FAM234A: variants seen among roughly 807,000 people sequenced by gnomAD.
FAM234A encodes the protein protein FAM234A.
FAM234A carries 42 observed loss-of-function variants against 49.1 expected under a neutral mutation model. The ratio of observed to expected loss-of-function variants is 0.86; its 90% CI spans 0.67 to 1.11. The LOEUF (loss-of-function observed/expected upper bound fraction) is 1.11. Among genes scored for constraint, FAM234A ranks in the 50% least tolerant of loss-of-function variants. The probability of loss-of-function intolerance (pLI) is 0.00; values close to 1 mark genes in which losing one functional copy is unlikely to be tolerated. For missense variants in FAM234A, 815 were observed against 745.2 expected (o/e 1.09, Z -1.09); for synonymous variants, 369 against 316.2 (o/e 1.17, Z -1.77).
intron 2 of FAM234A, among the ~76,000 whole-genome samples, chr16:252,178 G>GTTTTTTT (rs1368906456): frequency 7.9e-6 from 1 of 126,060 alleles, no homozygotes; most frequent in Non-Finnish European, 1.6e-5. Context: ...CTGTTTTTCT[G>GTTTTTTT]TTTTTTGTTT....
At chr16:251,021 A>G (rs775690812) in intron 2 of FAM234A, among the ~76,000 whole-genome samples, 7 of 152,032 alleles carry the variant, frequency 4.6e-5, no homozygotes, top group African/African-American at 1.7e-4. Context: ...CAATGGTGCA[A>G]TCTTGGCTCA....
At chr16:255,202 C>G (rs2051183384) in intron 3 of FAM234A, among the ~76,000 whole-genome samples, 1 of 152,116 alleles carries the variant, frequency 6.6e-6, no homozygotes, top group South Asian at 2.1e-4. Context: ...GTTAGCCAGG[C>G]TGCTCTTGAA....
chr16:269,029 A>G, downstream of FAM234A: 1 of 1,294,606 alleles, frequency 7.7e-7, no homozygotes. Flanking sequence ...CCCTGACCCA[A>G]GCTGAGCCAA....
At chr16:237,068 TGTA>T (rs1302213177) in intron 1 of FAM234A, among the ~76,000 whole-genome samples, 1 of 142,092 alleles carries the variant, frequency 7.0e-6, no homozygotes, top group Non-Finnish European at 1.5e-5. Context: ...TATTTATTTA[TGTA>T]TTTTTTTAAA....
At chr16:251,234 G>T (rs1224882398) in intron 2 of FAM234A, among the ~76,000 whole-genome samples, 4 of 152,200 alleles carry the variant, frequency 2.6e-5, no homozygotes, top group Non-Finnish European at 5.9e-5. Context: ...GGGATCACAG[G>T]CGTGAGCCAC....
intron 1 of FAM234A, among the ~76,000 whole-genome samples, chr16:236,141 A>C (rs1408678816): frequency 6.7e-6 from 1 of 150,130 alleles, no homozygotes; most frequent in African/African-American, 2.4e-5. Flanking sequence ...TTTTATTTTT[A>C]GTAGGGGTTT....
At chr16:237,405 T>TGG (rs945414268) in intron 1 of FAM234A, among the ~76,000 whole-genome samples, 15 of 152,276 alleles carry the variant, frequency 9.9e-5, no homozygotes, top group African/African-American at 3.6e-4. Context: ...AGATGTTGGC[T>TGG]GGGGCTGCAG....
At chr16:261,244 C>G (rs2051452320) in intron 5 of FAM234A, 140 bp from the exon 6 acceptor site, 2 of 968,030 alleles carry the variant, frequency 2.1e-6, no homozygotes, top group Non-Finnish European at 3.1e-6. Flanking sequence ...CTGTTGGCAT[C>G]TGCTCTGAGT....
chr16:254,827 G>T, intron 3 of FAM234A, 146 bp downstream of exon 3: 1 of 831,866 alleles, frequency 1.2e-6, no homozygotes, highest in Non-Finnish European at 1.9e-6. Flanking sequence ...TATGTCCAAG[G>T]TTTTCCCGGA....
In FAM234A at chr16:261,417, G is replaced by A. The variant is rs573743054; in HGVS notation, c.611G>A (p.Ser204Asn). The change falls in exon 6 of 13, where the codon AGC (serine) becomes AAC (asparagine). Residue 204 changes from serine to asparagine, a missense_variant. Physicochemically the swap from Ser to Asn is conservative, Grantham distance 46. Transcript: ENST00000399932. ...CTGTGGAACCACAGCAGCAGCTTCA[G>A]CGGGAATGCGTCCATCCTGAGCCCT... ...ETLWNHSSSF[S>N]GNASILSPLL... The A allele has an allele frequency of 9.9e-6, 16 of 1,613,178 alleles. No homozygotes were observed. In the African/African-American group the frequency reaches 1.1e-4, roughly 11 times the overall value.
Position 261,521 on chromosome 16 carries a change from C to G in FAM234A, c.708+7C>G, listed in dbSNP as rs2051466371. On this transcript the variant is annotated splice_region_variant and intron_variant, in intron 6 of 12. Transcript: ENST00000399932. ...CACCCAGGAGCGGGAGGAGGTACAT[C>G]CCAGCCTGGCTCTGCTCCCAAGTCA... The G allele has an allele frequency of 1.3e-6, 2 of 1,589,020 alleles. No individual in the cohort carries two copies. Among genetic ancestry groups the G allele is most frequent in the Middle Eastern group, 1.7e-4 (1 of 5,960 alleles).
chr16:266,244 C>A (rs1341358672), downstream of FAM234A: 5 of 265,534 alleles, frequency 1.9e-5, no homozygotes, highest in Non-Finnish European at 1.7e-5. Context: ...AGGAGGCGAG[C>A]ACCCCCACCC....
intron 10 of FAM234A, 103 bp downstream of exon 10, chr16:263,878 G>A (rs1370863823): frequency 4.3e-6 from 6 of 1,394,110 alleles, no homozygotes; most frequent in Non-Finnish European, 6.1e-6. Flanking sequence ...TGCCGTCAGA[G>A]CTGCTGAGAA....
At chr16:243,373 A>G (rs531783825) in intron 1 of FAM234A, among the ~76,000 whole-genome samples, 1 of 152,120 alleles carries the variant, frequency 6.6e-6, no homozygotes, top group Admixed American at 6.5e-5. Flanking sequence ...AATGGTATGG[A>G]TGCTAAAGTA....
At chr16:235,147 T>G (rs1287915959) in intron 1 of FAM234A, among the ~76,000 whole-genome samples, 1 of 152,202 alleles carries the variant, frequency 6.6e-6, no homozygotes, top group Non-Finnish European at 1.5e-5. Flanking sequence ...CAAGCCCACA[T>G]GTTCCTCAAA....
rs759705226 is a variant in FAM234A at position 254,494 on chromosome 16, T to C, written c.81T>C (p.Asn27=). ...EERKSQENLG[N]PSKNEDNVKS... is the part of the protein sequence containing the mutation. ...GAAAATCGCAGGAAAATCTGGGAAA[T>C]CCATCAAAAAATGAGGATAACGTGA... The change falls in exon 3 of 13, where the codon AAT becomes AAC. Residue 27 remains asparagine, a synonymous_variant. Coordinates refer to ENST00000399932, the MANE Select transcript of FAM234A (RefSeq NM_032039.4). 6.2e-7 allele frequency: 1 copy of C among 1,614,196 alleles called. No individual in the cohort carries two copies. The highest frequency in any genetic ancestry group is 1.7e-5 in the Admixed American group (1 of 60,016).
chr16:266,491 G>T (rs938665399), downstream of FAM234A, among the ~76,000 whole-genome samples: 2 of 152,208 alleles, frequency 1.3e-5, no homozygotes, highest in Non-Finnish European at 2.9e-5. Context: ...GGCAAGAGGA[G>T]CCCAGGCAGG....
At chr16:269,414 T>A, downstream of FAM234A, 1 of 1,590,534 alleles carries the variant, frequency 6.3e-7, no homozygotes, top group Non-Finnish European at 8.6e-7. Flanking sequence ...GAGAACAGGC[T>A]GGCCAGCTGG....
rs1284880622 is a variant in FAM234A at position 254,575 on chromosome 16, T to C, written c.162T>C (p.Leu54=). ...LSRCRAAAFF[L]SLFLCLFVVF... is the part of the protein sequence containing the mutation. Reference sequence around the variant, plus strand: ...GGTGCCGAGCGGCGGCGTTTTTTCTTTCATTGTTTCTCTGCCTTTTTGTGG... The same window carrying C: ...GGTGCCGAGCGGCGGCGTTTTTTCTCTCATTGTTTCTCTGCCTTTTTGTGG... Residue 54 remains leucine, a synonymous_variant, in exon 3 of 13, where the codon CTT becomes CTC. Transcript: ENST00000399932. The C allele has an allele frequency of 3.7e-6, 6 of 1,614,074 alleles. No homozygotes were observed. The highest frequency in any genetic ancestry group is 4.2e-6 in the Non-Finnish European group (5 of 1,180,046).
Sources: allele counts gnomAD v4.1 joint callset (sites outside exome capture counted in the v4.1 genomes callset), GRCh38; gene constraint gnomAD v4.1.1; transcripts MANE v1.5; gene names NCBI Gene and HGNC (gene_info 2026-07-23, HGNC 2026-07-21).